The following ZNF786 variants were observed in gnomAD, a reference collection of about 807,000 sequenced individuals.
ZNF786 encodes zinc finger protein 786.
A neutral mutation model predicts 63.1 loss-of-function variants in ZNF786; 56 were observed. The observed-to-expected ratio is 0.89, with a 90% CI of 0.72 to 1.11. The LOEUF is 1.11. Ranked by LOEUF, ZNF786 falls within the 50% of genes least tolerant of loss-of-function variation. The probability of loss-of-function intolerance (pLI) is 0.00; values close to 1 mark genes in which losing one functional copy is unlikely to be tolerated. For missense variants in ZNF786, 1,213 were observed against 1,041.8 expected, an observed-to-expected ratio of 1.16 and a Z score of -2.26; for synonymous variants, 485 against 406.9, an observed-to-expected ratio of 1.19 and a Z score of -2.31.
chr7:149,070,866 TGTCGGCCTTCAC>T lies in ZNF786; in HGVS notation c.1894_1905del (p.Val632_Asp635del), dbSNP rs1825393133. 7 of 1,610,380 alleles carry T rather than the reference TGTCGGCCTTCAC, an allele frequency of 4.3e-6. No homozygotes were observed. The highest frequency in any genetic ancestry group is 5.9e-6 in the Non-Finnish European group (7 of 1,178,936). ...CTGTGCAGCAGCTGGTGGGCCTTCA[TGTCGGCCTTCAC>T]GCGATAGCGCTTGTCGCACTCCGGA... On this transcript the variant is annotated inframe_deletion, in exon 4 of 4. Transcript: ENST00000491431.
At position 149,072,417 on chromosome 7, in the gene ZNF786, C is replaced by G; in HGVS notation, c.355G>C (p.Glu119Gln). ...KTKSHFQLDP[E>Q]SQCSFGSFVS... ...AAGGATCCAAAGGAACACTGGCTTT[C>G]AGGATCTAATTGGAAATGGCTTTTA... The change falls in exon 4 of 4, where the codon GAA becomes CAA. Residue 119 changes from glutamate (E) to glutamine (Q), a missense_variant. Coordinates refer to ENST00000491431, the MANE Select transcript of ZNF786 (RefSeq NM_152411.4). 1 of 1,610,620 alleles carries G rather than the reference C, an allele frequency of 6.2e-7. No individual in the cohort carries two copies. Among genetic ancestry groups the G allele is most frequent in the East Asian group, 2.2e-5 (1 of 44,852 alleles).
At chr7:149,077,948 C>T (rs185510737) in intron 2 of ZNF786, among the ~76,000 whole-genome samples, 202 of 151,380 alleles carry the variant, frequency 1.3e-3, no homozygotes, top group Admixed American at 2.5e-3. Context: ...CTGTAGCCTC[C>T]GCCTCCTGGG....
chr7:149,086,162 G>A (rs749715625), intron 1 of ZNF786, among the ~76,000 whole-genome samples: 1 of 152,138 alleles, frequency 6.6e-6, no homozygotes, highest in Non-Finnish European at 1.5e-5. Flanking sequence ...TAAAAACTCT[G>A]ACTCCTTTAA....
At position 149,071,243 on chromosome 7, in the gene ZNF786, G is replaced by A. The variant is rs1378018432; in HGVS notation, c.1529C>T (p.Ser510Phe). The A allele has an allele frequency of 6.8e-6, 11 of 1,612,122 alleles. No homozygotes were observed. Among genetic ancestry groups the A allele is most frequent in the Non-Finnish European group, 9.3e-6 (11 of 1,178,950 alleles). ...GAAGCCTCTGCCACACTCGCTACAG[G>A]AGAACGGCCTCTCCCCACCGTGCCG... ...RLRHGGERPF[S>F]CSECGRGFTH... The change falls in exon 4 of 4, where the codon TCC becomes TTC. Residue 510 changes from serine (S) to phenylalanine (F), a missense_variant. Transcript: ENST00000491431.
intron 2 of ZNF786, among the ~76,000 whole-genome samples, chr7:149,079,126 G>A (rs1191940429): frequency 1.3e-5 from 2 of 151,968 alleles, no homozygotes; most frequent in South Asian, 2.1e-4. Context: ...AGAATGAAAC[G>A]GGCTGGGCGT....
Position 149,082,259 on chromosome 7 carries a change from A to G in ZNF786, c.19-1542T>C, listed in dbSNP as rs562161682. Among the ~76,000 whole-genome samples, 60 of 152,164 alleles carry G rather than the reference A, an allele frequency of 3.9e-4. 1 individual carries two copies. The highest frequency in any genetic ancestry group is 8.5e-4 in the Admixed American group (13 of 15,252). On this transcript the variant is annotated intron_variant, in intron 1 of 3. Coordinates refer to ENST00000491431, the MANE Select transcript of ZNF786 (RefSeq NM_152411.4). ...AGCCATGAGAAGACCGTGTGATTGT[A>G]AGTCTTCTGAGGCCTCCCCAGAAGC...
At position 149,090,661 on chromosome 7, in the gene ZNF786, G is replaced by A. The variant is rs1825816532; in HGVS notation, c.-21C>T. 2 of 1,582,054 alleles carry A rather than the reference G, an allele frequency of 1.3e-6. No homozygotes were observed. Among genetic ancestry groups the A allele is most frequent in the African/African-American group, 2.7e-5 (2 of 72,990 alleles). On this transcript the variant is annotated 5_prime_UTR_variant, in exon 1 of 4. Transcript: ENST00000491431. ...GCCATGGTCCCCGCGGTCCCGCCCG[G>A]CCCTGGCAAACCCGACCGTCTCCGG...
chr7:149,075,625 G>C (rs1255727356), intron 2 of ZNF786, among the ~76,000 whole-genome samples: 1 of 117,728 alleles, frequency 8.5e-6, no homozygotes, highest in Non-Finnish European at 1.7e-5. Context: ...ATCTAACTTT[G>C]TCAAATCCTA....
rs551927391 is a variant in ZNF786, at chr7:149,085,166, C to A, written c.19-4449G>T. Among the ~76,000 whole-genome samples the A allele has an allele frequency of 2.6e-5, 4 of 152,256 alleles. No individual in the cohort carries two copies. In the East Asian group the frequency reaches 7.7e-4, roughly 29 times the overall value. ...ATTGGTCTATATGTCTGTTTTCTTA[C>A]CAGTACCATGCTGTTTTGGTTACTG... On this transcript the variant is annotated intron_variant, in intron 1 of 3. Coordinates refer to ENST00000491431, the MANE Select transcript of ZNF786 (RefSeq NM_152411.4).
At chr7:149,087,833 A>T (rs1186663537) in intron 1 of ZNF786, among the ~76,000 whole-genome samples, 1 of 148,310 alleles carries the variant, frequency 6.7e-6, no homozygotes, top group Non-Finnish European at 1.5e-5. Context: ...TCTGTTGCCC[A>T]GGCCAGAGTG....
intron 2 of ZNF786, among the ~76,000 whole-genome samples, chr7:149,078,420 C>T (rs1442791208): frequency 6.6e-6 from 1 of 152,132 alleles, no homozygotes; most frequent in African/African-American, 2.4e-5. Context: ...CACGGTGGCT[C>T]ATGCCTGTAA....
At chr7:149,087,176 A>G (rs181503101) in intron 1 of ZNF786, among the ~76,000 whole-genome samples, 15 of 152,316 alleles carry the variant, frequency 9.8e-5, no homozygotes, top group Admixed American at 4.6e-4. Context: ...TTTAGGGACA[A>G]ATATCCAAAC....
intron 1 of ZNF786, among the ~76,000 whole-genome samples, chr7:149,088,304 G>A (rs538591707): frequency 2.0e-5 from 3 of 152,204 alleles, no homozygotes; most frequent in South Asian, 2.1e-4. Flanking sequence ...CGCCTGGCCT[G>A]CCCAGGCTTA....
Position 149,072,390 on chromosome 7 carries a change from C to CA in ZNF786, c.381dup (p.Val128CysfsTer6). The CA allele has an allele frequency of 6.2e-7, 1 of 1,613,036 alleles. No homozygotes were observed. On this transcript the variant is annotated frameshift_variant, in exon 4 of 4. Coordinates refer to ENST00000491431, the MANE Select transcript of ZNF786 (RefSeq NM_152411.4). LOFTEE classifies it high-confidence loss of function. Reference sequence around the variant, plus strand: ...ATGCCTTGGTCAGGCCTGAAGGAAACAAAGGATCCAAAGGAACACTGGCTT... The same window carrying CA: ...ATGCCTTGGTCAGGCCTGAAGGAAACAAAAGGATCCAAAGGAACACTGGCTT...
In ZNF786 at chr7:149,082,585, ATTTT is replaced by A. The variant is rs66753454; in HGVS notation, c.19-1872_19-1869del. On this transcript the variant is annotated intron_variant, in intron 1 of 3. Coordinates refer to ENST00000491431, the MANE Select transcript of ZNF786 (RefSeq NM_152411.4). ...TAAAGTTTATCTTGTTCCAACTTAAATTTTTTTTTTTTTTGAGACGGCATCTCGC... is the reference window on the plus strand; with the variant it reads ...TAAAGTTTATCTTGTTCCAACTTAAATTTTTTTTTTGAGACGGCATCTCGC... The A allele has an allele frequency of 2.1e-3, 1,238 of 583,870 alleles. 1 individual carries two copies. Among genetic ancestry groups the A allele is most frequent in the South Asian group, 3.8e-3 (45 of 11,902 alleles). The allele number at this position is 583,870 out of a possible 1,614,324, so 36.2% of individuals were successfully genotyped here. A position where few individuals can be genotyped will look rare whatever the true frequency, so the allele number is the denominator to read the frequency against.
chr7:149,072,157 G>T lies in ZNF786; in HGVS notation c.615C>A (p.His205Gln). Residue 205 changes from histidine to glutamine, a missense_variant, in exon 4 of 4, where the codon CAC becomes CAA. Physicochemically the swap from His to Gln is conservative, Grantham distance 24. Coordinates refer to ENST00000491431, the MANE Select transcript of ZNF786 (RefSeq NM_152411.4). Reference sequence around the variant, plus strand: ...TCCGGTCCTTTGAGTGGCCTCTCTGGTGCATTACTAAATGGTTGTTCTCCC... The same window carrying T: ...TCCGGTCCTTTGAGTGGCCTCTCTGTTGCATTACTAAATGGTTGTTCTCCC... The part of the protein sequence containing the change: ...SCWENNHLVM[H>Q]QRGHSKDRTR... 1 of 1,613,148 alleles carries T rather than the reference G, an allele frequency of 6.2e-7. No homozygotes were observed. The highest frequency in any genetic ancestry group is 8.5e-7 in the Non-Finnish European group (1 of 1,179,720).
At chr7:149,073,162 G>C (rs1021372956) in intron 3 of ZNF786, among the ~76,000 whole-genome samples, 3 of 152,194 alleles carry the variant, frequency 2.0e-5, no homozygotes, top group Admixed American at 1.3e-4. Context: ...TAAGTAATTT[G>C]TGGGGGAAAA....
At chr7:149,087,323 T>C (rs1825754394) in intron 1 of ZNF786, among the ~76,000 whole-genome samples, 1 of 152,346 alleles carries the variant, frequency 6.6e-6, no homozygotes, top group African/African-American at 2.4e-5. Flanking sequence ...TTACAAAATT[T>C]TGCATTTGCT....
intron 1 of ZNF786, 57 bp downstream of exon 1, chr7:149,090,566 A>G: frequency 6.7e-7 from 1 of 1,495,714 alleles, no homozygotes; most frequent in Non-Finnish European, 9.0e-7. Context: ...CGAGCCCGGA[A>G]CCCGAGGACC....
Sources: allele counts gnomAD v4.1 joint callset (sites outside exome capture counted in the v4.1 genomes callset), GRCh38; gene constraint gnomAD v4.1.1; transcripts MANE v1.5; gene names NCBI Gene and HGNC (gene_info 2026-07-23, HGNC 2026-07-21).